Variants in FOXP2 observed in about 807,000 individuals in gnomAD.
FOXP2 encodes the protein forkhead box P2, also known as forkhead box protein P2.
FOXP2 carries 12 observed loss-of-function variants against 115.8 expected under a neutral mutation model. The observed-to-expected ratio is 0.10, with a 90% CI of 0.07 to 0.17. The LOEUF (loss-of-function observed/expected upper bound fraction) is 0.17. Among genes scored for constraint, FOXP2 ranks in the 10% least tolerant of loss-of-function variants. FOXP2 has a pLI of 1.00. For synonymous variants in FOXP2, 328 were observed against 297.7 expected, an observed-to-expected ratio of 1.10 and a Z score of -1.05; for missense variants, 629 against 843.5, an observed-to-expected ratio of 0.75 and a Z score of 3.15.
At chr7:114,601,908 A>G (rs1012859755) in intron 3 of FOXP2, among the ~76,000 whole-genome samples, 2 of 152,088 alleles carry the variant, frequency 1.3e-5, no homozygotes, top group Admixed American at 6.6e-5. Flanking sequence ...CTAGAAAAAA[A>G]GTATATATTT....
intron 2 of FOXP2, among the ~76,000 whole-genome samples, chr7:114,316,367 T>A (rs1384956706): frequency 6.6e-6 from 1 of 152,226 alleles, no homozygotes; most frequent in Non-Finnish European, 1.5e-5. Context: ...TCATTCAGCA[T>A]ATATACTGAG....
intron 2 of FOXP2, among the ~76,000 whole-genome samples, chr7:114,399,943 G>C (rs1792842687): frequency 6.7e-6 from 1 of 148,418 alleles, no homozygotes; most frequent in South Asian, 2.1e-4. Context: ...TGCAACCTCC[G>C]CCCCCCGAGT....
chr7:114,108,852 A>G (rs1791190489), intron 1 of FOXP2, among the ~76,000 whole-genome samples: 1 of 151,966 alleles, frequency 6.6e-6, no homozygotes, highest in Non-Finnish European at 1.5e-5. Context: ...TTTAATTGCT[A>G]CATTTAATCT....
rs559003706 is a variant in FOXP2, at chr7:114,444,104, C to T, written c.168+17425C>T. On this transcript the variant is annotated intron_variant, in intron 2 of 16. Coordinates refer to ENST00000350908, the MANE Select transcript of FOXP2 (RefSeq NM_014491.4). ...AAGATGTTTGAGGCCAATGCTAAAA[C>T]ATATGTCATCTGCCTTTGTATCCTC... 1.2e-3 allele frequency among the ~76,000 whole-genome samples: 180 copies of T among 152,254 alleles called. 1 individual carries two copies. Among genetic ancestry groups the T allele is most frequent in the African/African-American group, 4.1e-3 (171 of 41,554 alleles).
intron 2 of FOXP2, among the ~76,000 whole-genome samples, chr7:114,439,714 AT>A (rs1205973692): frequency 2.0e-5 from 3 of 151,402 alleles, no homozygotes; most frequent in Non-Finnish European, 3.0e-5. Context: ...CTAGCTCCTA[AT>A]TTTTTTTGTG....
intron 3 of FOXP2, among the ~76,000 whole-genome samples, chr7:114,577,539 T>C (rs1801637181): frequency 6.6e-6 from 1 of 152,000 alleles, no homozygotes; most frequent in Non-Finnish European, 1.5e-5. Context: ...ACTTTTAAAA[T>C]ACTTAGCATA....
chr7:114,585,725 G>A (rs1170257042), intron 3 of FOXP2, among the ~76,000 whole-genome samples: 1 of 152,048 alleles, frequency 6.6e-6, no homozygotes, highest in Non-Finnish European at 1.5e-5. Context: ...GAATTAACTG[G>A]GTGTGGTGAC....
intron 1 of FOXP2, among the ~76,000 whole-genome samples, chr7:114,271,186 T>C (rs1285582023): frequency 6.6e-6 from 1 of 151,904 alleles, no homozygotes; most frequent in Admixed American, 6.6e-5. Context: ...TGCTGATTCT[T>C]TCAGATTTTC....
chr7:114,352,540 C>T (rs1791518899), intron 2 of FOXP2, among the ~76,000 whole-genome samples: 1 of 152,138 alleles, frequency 6.6e-6, no homozygotes, highest in East Asian at 1.9e-4. Context: ...GACTAAGTAG[C>T]TTAACAACAC....
At chr7:114,092,026 AT>A (rs370499666) in intron 1 of FOXP2, among the ~76,000 whole-genome samples, 1 of 151,678 alleles carries the variant, frequency 6.6e-6, no homozygotes, top group Non-Finnish European at 1.5e-5. Context: ...CTGATTCTTC[AT>A]TTTTTTTCTG....
At chr7:114,296,548 A>G (rs1233726398) in intron 2 of FOXP2, among the ~76,000 whole-genome samples, 2 of 152,110 alleles carry the variant, frequency 1.3e-5, no homozygotes, top group Non-Finnish European at 2.9e-5. Flanking sequence ...TAATTACAAT[A>G]TATGTGTTTT....
At chr7:114,437,304 C>G (rs1053966419) in intron 2 of FOXP2, among the ~76,000 whole-genome samples, 1 of 152,098 alleles carries the variant, frequency 6.6e-6, no homozygotes, top group Non-Finnish European at 1.5e-5. Context: ...CTAAAATATA[C>G]CTTTGTAGTT....
At chr7:114,420,599 C>T (rs1406233242) in intron 1 of FOXP2, among the ~76,000 whole-genome samples, 3 of 151,758 alleles carry the variant, frequency 2.0e-5, no homozygotes, top group African/African-American at 4.8e-5. Context: ...TTAAGTCCTC[C>T]TCTTACATAT....
chr7:114,542,104 T>G (rs1373244025), intron 3 of FOXP2, among the ~76,000 whole-genome samples: 1 of 152,078 alleles, frequency 6.6e-6, no homozygotes, highest in Non-Finnish European at 1.5e-5. Context: ...TCAACCCACC[T>G]TCCACATTTC....
chr7:114,394,164 G>A (rs1792681654), intron 2 of FOXP2, among the ~76,000 whole-genome samples: 1 of 151,980 alleles, frequency 6.6e-6, no homozygotes, highest in Non-Finnish European at 1.5e-5. Flanking sequence ...GCATAACTGG[G>A]ACAGGGAAAG....
At chr7:114,170,060 G>A (rs1793097545) in intron 1 of FOXP2, among the ~76,000 whole-genome samples, 1 of 152,062 alleles carries the variant, frequency 6.6e-6, no homozygotes, top group Admixed American at 6.6e-5. Context: ...GCATGAAAAC[G>A]GACTAATATA....
intron 2 of FOXP2, among the ~76,000 whole-genome samples, chr7:114,386,625 C>A (rs1055510622): frequency 6.6e-6 from 1 of 152,134 alleles, no homozygotes; most frequent in Admixed American, 6.5e-5. Flanking sequence ...AGGTGTCACA[C>A]TGAACCAGAT....
chr7:114,331,738 G>A (rs1224374519), intron 2 of FOXP2, among the ~76,000 whole-genome samples: 1 of 151,546 alleles, frequency 6.6e-6, no homozygotes, highest in African/African-American at 2.4e-5. Flanking sequence ...CCCGATCTTG[G>A]CTTACTGCAG....
At chr7:114,367,795 T>C (rs2129188686) in intron 2 of FOXP2, among the ~76,000 whole-genome samples, 1 of 152,308 alleles carries the variant, frequency 6.6e-6, no homozygotes, top group South Asian at 2.1e-4. Flanking sequence ...CATCACCTCC[T>C]TCTAGTGAAG....
Sources: allele counts gnomAD v4.1 joint callset (sites outside exome capture counted in the v4.1 genomes callset), GRCh38; gene constraint gnomAD v4.1.1; transcripts MANE v1.5; gene names NCBI Gene and HGNC (gene_info 2026-07-23, HGNC 2026-07-21).